The following COL8A1 variants were observed in gnomAD, a reference collection of about 807,000 sequenced individuals.
COL8A1 encodes collagen type VIII alpha 1 chain, also known as collagen alpha-1(VIII) chain.
A neutral mutation model predicts 42.7 loss-of-function variants in COL8A1; 21 were observed. The observed-to-expected ratio is 0.49, with a 90% CI of 0.35 to 0.71. COL8A1 has a LOEUF of 0.71. Ranked by LOEUF, COL8A1 falls within the 30% of genes least tolerant of loss-of-function variation. The probability of loss-of-function intolerance (pLI) is 0.01; values close to 1 mark genes in which losing one functional copy is unlikely to be tolerated. For missense variants in COL8A1, 788 were observed against 962.4 expected, an observed-to-expected ratio of 0.82 and a Z score of 2.40; for synonymous variants, 367 against 369.1, an observed-to-expected ratio of 0.99 and a Z score of 0.06.
intron 2 of COL8A1, among the ~76,000 whole-genome samples, chr3:99,777,158 T>C (rs991292902): frequency 4.6e-5 from 7 of 152,160 alleles, no homozygotes; most frequent in Admixed American, 2.0e-4. Context: ...CTTATTTCAC[T>C]CAGCCCCTAT....
intron 1 of COL8A1, among the ~76,000 whole-genome samples, chr3:99,676,132 G>C (rs556131759): frequency 4.6e-5 from 7 of 152,030 alleles, no homozygotes; most frequent in African/African-American, 1.7e-4. Flanking sequence ...TACACAGAAA[G>C]GAATGGAAAA....
intron 1 of COL8A1, among the ~76,000 whole-genome samples, chr3:99,665,730 G>A (rs1186039640): frequency 7.1e-6 from 1 of 140,960 alleles, no homozygotes; most frequent in Non-Finnish European, 1.5e-5. Flanking sequence ...TGCCCGGGCT[G>A]GAGGGCAATG....
chr3:99,777,967 G>A (rs1470984526), intron 2 of COL8A1, among the ~76,000 whole-genome samples: 1 of 152,170 alleles, frequency 6.6e-6, no homozygotes. Flanking sequence ...AAGTGAGCAG[G>A]TGGTCAATAA....
intron 1 of COL8A1, chr3:99,679,617 T>C (rs1235410432): frequency 6.6e-6 from 1 of 152,210 alleles, no homozygotes; most frequent in Non-Finnish European, 1.5e-5. Flanking sequence ...ACTAACTTGG[T>C]GTATGATCTT....
At chr3:99,748,720 C>A (rs1292388964) in intron 2 of COL8A1, among the ~76,000 whole-genome samples, 3 of 152,124 alleles carry the variant, frequency 2.0e-5, no homozygotes, top group African/African-American at 7.2e-5. Context: ...CCCTAAGATG[C>A]TGTCAAATAG....
intron 2 of COL8A1, among the ~76,000 whole-genome samples, chr3:99,752,329 T>C (rs1941167155): frequency 6.6e-6 from 1 of 152,182 alleles, no homozygotes; most frequent in Non-Finnish European, 1.5e-5. Flanking sequence ...GGTTTGGTCA[T>C]AGTTAACATT....
At chr3:99,740,182 C>T (rs546467638) in intron 1 of COL8A1, among the ~76,000 whole-genome samples, 2 of 152,314 alleles carry the variant, frequency 1.3e-5, no homozygotes, top group African/African-American at 4.8e-5. Flanking sequence ...CAAAGCCATT[C>T]AACAAGTCTC....
chr3:99,762,470 AT>A (rs1941382872), intron 2 of COL8A1, among the ~76,000 whole-genome samples: 1 of 152,306 alleles, frequency 6.6e-6, no homozygotes, highest in African/African-American at 2.4e-5. Flanking sequence ...TAAAGTTCAA[AT>A]TTTCAGACTC....
At chr3:99,719,620 AATGACATCCAG>A (rs1940093109) in intron 1 of COL8A1, among the ~76,000 whole-genome samples, 1 of 152,146 alleles carries the variant, frequency 6.6e-6, no homozygotes, top group African/African-American at 2.4e-5. Flanking sequence ...TTCTGGAGGA[AATGACATCCAG>A]GCTGAAATGT....
At chr3:99,676,176 AATC>A (rs1416611069) in intron 1 of COL8A1, among the ~76,000 whole-genome samples, 1 of 152,108 alleles carries the variant, frequency 6.6e-6, no homozygotes, top group Non-Finnish European at 1.5e-5. Flanking sequence ...TAAAAAACTA[AATC>A]ATTTTTGTAA....
At chr3:99,696,976 ATTTTTTTTTTTTTT>A (rs34865022) in intron 1 of COL8A1, among the ~76,000 whole-genome samples, 1 of 88,016 alleles carries the variant, frequency 1.1e-5, no homozygotes, top group South Asian at 4.5e-4. Flanking sequence ...ATATACACAA[ATTTTTTTTTTTTTT>A]TTTTTTTTTT....
At chr3:99,666,004 G>T (rs1157722984) in intron 1 of COL8A1, among the ~76,000 whole-genome samples, 1 of 151,948 alleles carries the variant, frequency 6.6e-6, no homozygotes. Context: ...ATTAATTATT[G>T]ATAGAGCAGT....
In COL8A1 at chr3:99,766,949, T is replaced by TG. The variant is rs554624758; in HGVS notation, c.-4+21929dup. ...CAGCAACAAGAGCGAAACTCTGTCT[T>TG]GAAAAAAAAAAAATGATGTCCTCTA... On this transcript the variant is annotated intron_variant, in intron 2 of 3. Coordinates refer to ENST00000652472, the MANE Select transcript of COL8A1 (RefSeq NM_020351.4). Among the ~76,000 whole-genome samples the TG allele has an allele frequency of 2.9e-3, 309 of 107,930 alleles. 2 individuals are homozygous for TG. The highest frequency in any genetic ancestry group is 4.2e-3 in the Non-Finnish European group (213 of 50,612). The allele number at this position is 107,930 out of a possible 152,430, so 70.8% of individuals were successfully genotyped here.
At position 99,654,415 on chromosome 3, in the gene COL8A1, C is replaced by G. The variant is rs571512285; in HGVS notation, c.-129+15751C>G. ...CCTTACTTGATTTCCATTTTCCTGT[C>G]AGAAATGTCCTGACTTTTTTACCTG... On this transcript the variant is annotated intron_variant, in intron 1 of 3. Coordinates refer to ENST00000652472, the MANE Select transcript of COL8A1 (RefSeq NM_020351.4). 2.0e-5 allele frequency among the ~76,000 whole-genome samples: 3 copies of G among 152,268 alleles called. No homozygotes were observed. The South Asian group carries it at 6.2e-4, about 32-fold the overall frequency.
chr3:99,686,734 G>C (rs1333048427), intron 1 of COL8A1, among the ~76,000 whole-genome samples: 1 of 152,110 alleles, frequency 6.6e-6, no homozygotes, highest in Non-Finnish European at 1.5e-5. Context: ...TCACCCAGTG[G>C]CGTGATCACA....
chr3:99,776,042 A>C (rs1457883926), intron 2 of COL8A1, among the ~76,000 whole-genome samples: 1 of 152,174 alleles, frequency 6.6e-6, no homozygotes, highest in African/African-American at 2.4e-5. Context: ...TTGAGTTTTA[A>C]TGCCACCCTA....
At chr3:99,733,585 T>C (rs1940595919) in intron 1 of COL8A1, among the ~76,000 whole-genome samples, 1 of 152,084 alleles carries the variant, frequency 6.6e-6, no homozygotes, top group African/African-American at 2.4e-5. Context: ...TCTTTGCTAT[T>C]GTGAATAATG....
intron 1 of COL8A1, among the ~76,000 whole-genome samples, chr3:99,698,282 T>C (rs574921880): frequency 6.6e-6 from 1 of 152,356 alleles, no homozygotes; most frequent in Admixed American, 6.5e-5. Context: ...AACATATGTG[T>C]GCATGTGTCT....
intron 2 of COL8A1, among the ~76,000 whole-genome samples, chr3:99,776,777 T>C (rs1049640521): frequency 6.6e-6 from 1 of 152,238 alleles, no homozygotes; most frequent in African/African-American, 2.4e-5. Context: ...CTTGATTATA[T>C]GCTAAACAAG....
Sources: gnomAD v4.1 joint callset for allele counts (sites outside exome capture counted in the v4.1 genomes callset) on GRCh38, gnomAD v4.1.1 for gene constraint, MANE v1.5 for transcripts, NCBI Gene and HGNC (gene_info 2026-07-23, HGNC 2026-07-21) for gene names.